The following TGS1 variants were observed in gnomAD, a reference collection of about 807,000 sequenced individuals.
TGS1 encodes trimethylguanosine synthase.
TGS1 carries 69 observed loss-of-function variants against 92.2 expected under a neutral mutation model. The observed-to-expected ratio is 0.75, with a 90% CI of 0.62 to 0.91. TGS1 has a LOEUF of 0.91. TGS1 is among the 40% of genes least tolerant of loss of function. The pLI is 0.00. For missense variants in TGS1, 1,062 were observed against 1,001.2 expected, an observed-to-expected ratio of 1.06 and a Z score of -0.82; for synonymous variants, 345 against 338.1, an observed-to-expected ratio of 1.02 and a Z score of -0.22.
intron 1 of TGS1, among the ~76,000 whole-genome samples, chr8:55,782,441 A>C (rs1161265849): frequency 6.6e-6 from 1 of 152,142 alleles, no homozygotes; most frequent in Non-Finnish European, 1.5e-5. Context: ...CAGCCTCCCA[A>C]AGTGCTGGGA....
chr8:55,783,964 A>G (rs1274232314), intron 2 of TGS1, among the ~76,000 whole-genome samples: 1 of 152,196 alleles, frequency 6.6e-6, no homozygotes, highest in Non-Finnish European at 1.5e-5. Flanking sequence ...GAGCTTTCGT[A>G]AGTATATTTG....
intron 9 of TGS1, among the ~76,000 whole-genome samples, chr8:55,804,412 G>C (rs1812305506): frequency 6.6e-6 from 1 of 152,178 alleles, no homozygotes; most frequent in South Asian, 2.1e-4. Context: ...TTGCACTCCA[G>C]CCTGGGCAAC....
intron 7 of TGS1, among the ~76,000 whole-genome samples, chr8:55,796,991 A>G (rs1339053563): frequency 6.6e-6 from 1 of 152,150 alleles, no homozygotes; most frequent in East Asian, 1.9e-4. Flanking sequence ...ACTGTCTCAA[A>G]AAAAAAACAC....
At chr8:55,778,507 C>T (rs1367924074) in intron 1 of TGS1, among the ~76,000 whole-genome samples, 2 of 152,098 alleles carry the variant, frequency 1.3e-5, no homozygotes, top group Non-Finnish European at 2.9e-5. Context: ...ACTGAAGAGC[C>T]TATATTTCCC....
chr8:55,790,461 G>A (rs1167494225), intron 5 of TGS1, among the ~76,000 whole-genome samples, 162 bp downstream of exon 5: 1 of 151,888 alleles, frequency 6.6e-6, no homozygotes, highest in African/African-American at 2.4e-5. Flanking sequence ...CTGGACCTGT[G>A]GTTAAGGCCG....
chr8:55,812,495 CAAA>C (rs59611291), intron 11 of TGS1, among the ~76,000 whole-genome samples: 4 of 98,318 alleles, frequency 4.1e-5, no homozygotes, highest in African/African-American at 4.1e-5. Context: ...GACTCTGTCT[CAAA>C]AAAAAAAAAA....
chr8:55,797,211 C>T (rs917684335), intron 7 of TGS1, among the ~76,000 whole-genome samples: 5 of 152,122 alleles, frequency 3.3e-5, no homozygotes, highest in African/African-American at 1.2e-4. Flanking sequence ...GGGAAGCAAA[C>T]AACTCCTTCT....
intron 7 of TGS1, among the ~76,000 whole-genome samples, chr8:55,797,438 A>G (rs1812090810): frequency 6.6e-6 from 1 of 152,184 alleles, no homozygotes. Flanking sequence ...CAGCCAAACC[A>G]TACCAGTAGG....
intron 1 of TGS1, among the ~76,000 whole-genome samples, chr8:55,777,981 T>C (rs1811448488): frequency 6.6e-6 from 1 of 152,070 alleles, no homozygotes; most frequent in East Asian, 1.9e-4. Flanking sequence ...AAGTAGAAAA[T>C]TGAGTCTTGG....
chr8:55,792,671 A>G, intron 5 of TGS1, 27 bp from the exon 6 acceptor site: 1 of 1,560,306 alleles, frequency 6.4e-7, no homozygotes, highest in Non-Finnish European at 8.8e-7. Flanking sequence ...GTAATGGCTT[A>G]TCACTGTTTA....
chr8:55,790,966 TTCTC>T (rs3058135), intron 5 of TGS1, among the ~76,000 whole-genome samples: 7,958 of 149,546 alleles, frequency 0.053, 228 homozygotes, highest in East Asian at 0.082. Flanking sequence ...AATTCATATC[TTCTC>T]TCTCTCTCTC....
intron 12 of TGS1, among the ~76,000 whole-genome samples, chr8:55,818,871 ATGTTTCCAGTATCTGGTTC>A (rs1256113482): frequency 6.6e-6 from 1 of 152,194 alleles, no homozygotes; most frequent in Non-Finnish European, 1.5e-5. Context: ...AACAGTCTTC[ATGTTTCCAGTATCTGGTTC>A]TGAGAATGAG....
intron 6 of TGS1, among the ~76,000 whole-genome samples, chr8:55,794,971 G>C (rs1297317120): frequency 6.6e-6 from 1 of 152,208 alleles, no homozygotes; most frequent in Admixed American, 6.5e-5. Context: ...AATTAGTTCA[G>C]AAGTACATGT....
chr8:55,803,680 ATTT>A (rs1291049822), intron 9 of TGS1, among the ~76,000 whole-genome samples: 2 of 148,194 alleles, frequency 1.3e-5, no homozygotes, highest in Non-Finnish European at 3.0e-5. Context: ...TTTTCTTTTT[ATTT>A]TTTCTTTTCT....
chr8:55,816,526 C>T (rs1024462294), intron 12 of TGS1, among the ~76,000 whole-genome samples: 2 of 152,084 alleles, frequency 1.3e-5, no homozygotes, highest in South Asian at 2.1e-4. Flanking sequence ...AAAGCAATAG[C>T]GTTTGTACTT....
intron 10 of TGS1, 123 bp from the exon 11 acceptor site, chr8:55,810,758 A>G (rs1803315733): frequency 6.5e-6 from 5 of 770,876 alleles, no homozygotes; most frequent in African/African-American, 1.7e-5. Context: ...ATGTGGCCAA[A>G]TGTCTCCTCC....
chr8:55,822,277 T>A (rs764475609), intron 12 of TGS1, among the ~76,000 whole-genome samples: 6 of 151,968 alleles, frequency 3.9e-5, no homozygotes, highest in African/African-American at 1.4e-4. Flanking sequence ...TTACCTTGTT[T>A]GCCAGGATGG....
Position 55,810,981 on chromosome 8 carries a change from C to T in TGS1, c.2244C>T (p.Phe748=). 1 of 1,614,180 alleles carries T rather than the reference C, an allele frequency of 6.2e-7. No homozygotes were observed. Among genetic ancestry groups the T allele is most frequent in the Non-Finnish European group, 8.5e-7 (1 of 1,180,024 alleles). The part of the protein sequence containing the change: ...ADKIEFICGD[F]LLLASFLKAD... ...AGATAGAGTTCATCTGTGGAGATTTCTTGCTGCTGGCTTCTTTTTTAAAGG... is the reference window on the plus strand; with the variant it reads ...AGATAGAGTTCATCTGTGGAGATTTTTTGCTGCTGGCTTCTTTTTTAAAGG... Residue 748 remains phenylalanine, a synonymous_variant, in exon 11 of 13, where the codon TTC becomes TTT. Transcript: ENST00000260129.
At chr8:55,808,654 G>A (rs1343864759) in intron 10 of TGS1, among the ~76,000 whole-genome samples, 1 of 151,924 alleles carries the variant, frequency 6.6e-6, no homozygotes, top group Non-Finnish European at 1.5e-5. Flanking sequence ...GACTGCAGGG[G>A]CCTGCCACCA....
Sources: allele counts gnomAD v4.1 joint callset (sites outside exome capture counted in the v4.1 genomes callset), GRCh38; gene constraint gnomAD v4.1.1; transcripts MANE v1.5; gene names NCBI Gene and HGNC (gene_info 2026-07-23, HGNC 2026-07-21).